RGS12: variants seen among roughly 807,000 people sequenced by gnomAD.
RGS12 encodes regulator of G protein signaling 12.
Under a neutral mutation model 120.1 loss-of-function variants are expected in RGS12, and 66 were observed. That is an observed-to-expected ratio of 0.55 (90% CI 0.45 to 0.67). RGS12 has a LOEUF of 0.67. Among genes scored for constraint, RGS12 ranks in the 30% least tolerant of loss-of-function variants. The pLI, the probability that RGS12 is intolerant of heterozygous loss-of-function variation, is 0.00. For missense variants in RGS12, 1,859 were observed against 1,957.7 expected (o/e 0.95, Z 0.95); for synonymous variants, 827 against 804.7 (o/e 1.03, Z -0.47).
At chr4:3,323,387 C>G (rs551025959) in intron 2 of RGS12, among the ~76,000 whole-genome samples, 24 of 152,212 alleles carry the variant, frequency 1.6e-4, no homozygotes, top group Admixed American at 1.6e-3. Flanking sequence ...GCCTCTGCCC[C>G]GCTCCGCGCG....
chr4:3,379,881 G>A (rs1469607593), intron 3 of RGS12, among the ~76,000 whole-genome samples: 4 of 152,104 alleles, frequency 2.6e-5, no homozygotes, highest in African/African-American at 4.8e-5. Context: ...AAACTGCATC[G>A]TTCCACCCCT....
In RGS12 at chr4:3,430,532, C is replaced by CTCCCCACTCCAGCTGCTG; in HGVS notation, c.3693_3710dup (p.Pro1232_Val1237dup). On this transcript the variant is annotated inframe_insertion, in exon 17 of 18. Transcript: ENST00000336727. ...ACCTCCTGGTTCCACAGAACTCACC[C>CTCCCCACTCCAGCTGCTG]TCCCCACTCCAGCTGCTGTGGCCAA... 1 of 1,613,490 alleles carries CTCCCCACTCCAGCTGCTG rather than the reference C, an allele frequency of 6.2e-7. No individual in the cohort carries two copies.
chr4:3,416,374 G>T (rs938235280), intron 7 of RGS12, among the ~76,000 whole-genome samples: 1 of 152,202 alleles, frequency 6.6e-6, no homozygotes, highest in Admixed American at 6.5e-5. Context: ...GGCTGTTCAC[G>T]CTGGCTCATG....
intron 5 of RGS12, 75 bp downstream of exon 5, chr4:3,414,316 GC>G: frequency 6.9e-7 from 1 of 1,441,422 alleles, no homozygotes; most frequent in Non-Finnish European, 9.2e-7. Context: ...TCTGTGGGCC[GC>G]CCTAGAGACA....
intron 4 of RGS12, among the ~76,000 whole-genome samples, chr4:3,401,765 C>T (rs1560148897): frequency 6.6e-6 from 1 of 152,268 alleles, no homozygotes; most frequent in African/African-American, 2.4e-5. Context: ...ATCCCGTCAG[C>T]ACCTGTGAAT....
chr4:3,312,597 C>A, intron 1 of RGS12: 1 of 231,700 alleles, frequency 4.3e-6, no homozygotes, highest in Non-Finnish European at 9.7e-6. Flanking sequence ...GTGCTTGAGC[C>A]CAGTGATGAG....
intron 2 of RGS12, among the ~76,000 whole-genome samples, chr4:3,325,692 AG>A (rs755005673): frequency 3.2e-4 from 49 of 152,196 alleles, no homozygotes; most frequent in Non-Finnish European, 5.3e-4. Context: ...TCATTTTATG[AG>A]GCCAGTATCA....
intron 3 of RGS12, among the ~76,000 whole-genome samples, chr4:3,346,219 A>AGTT (rs1250586094): frequency 1.3e-5 from 2 of 152,188 alleles, no homozygotes; most frequent in Non-Finnish European, 2.9e-5. Context: ...AGTGAGCACC[A>AGTT]GTTGTATTAG....
At chr4:3,397,987 G>A (rs1256304321) in intron 4 of RGS12, among the ~76,000 whole-genome samples, 2 of 152,142 alleles carry the variant, frequency 1.3e-5, no homozygotes, top group Admixed American at 6.5e-5. Flanking sequence ...TCCTAGCTGT[G>A]GGTCTCATTT....
Position 3,417,426 on chromosome 4 carries a change from A to G in RGS12, c.2646A>G (p.Glu882=), listed in dbSNP as rs200046534. 13 of 1,581,824 alleles carry G rather than the reference A, an allele frequency of 8.2e-6. No homozygotes were observed. The highest frequency in any genetic ancestry group is 1.0e-5 in the Non-Finnish European group (12 of 1,161,488). The change falls in exon 9 of 18, where the codon GAA becomes GAG. Residue 882 remains glutamate (E), a synonymous_variant. Coordinates refer to ENST00000336727, the MANE Select transcript of RGS12 (RefSeq NM_001394154.1). The part of the protein sequence containing the change: ...GKSKSGRSLN[E]ELGDEDSEKK... ...CAAAATCCGGCCGATCCCTGAATGA[A>G]GAGCTGGGGGATGAGGACAGCGAGA... is the stretch of plus-strand genomic sequence containing the variant.
At chr4:3,288,060 G>A (rs536967954), upstream of RGS12, among the ~76,000 whole-genome samples, 5 of 152,254 alleles carry the variant, frequency 3.3e-5, no homozygotes, top group Admixed American at 6.5e-5. The surrounding 1 kb of genome is among the most constrained non-coding windows in gnomAD (Gnocchi z 5.2). Context: ...GAGAGACACC[G>A]TGGGCCCGTA....
chr4:3,301,934 G>A (rs1340696511), intron 1 of RGS12, among the ~76,000 whole-genome samples: 8 of 151,968 alleles, frequency 5.3e-5, no homozygotes, highest in South Asian at 2.1e-4. Flanking sequence ...CATTTGGGGC[G>A]CACTCATACT....
intron 1 of RGS12, among the ~76,000 whole-genome samples, chr4:3,312,142 C>G (rs1007337955): frequency 2.6e-5 from 4 of 152,070 alleles, no homozygotes; most frequent in Non-Finnish European, 5.9e-5. Context: ...TACTGGTAGC[C>G]CCGATGGTGT....
intron 2 of RGS12, among the ~76,000 whole-genome samples, chr4:3,334,589 C>T (rs1203825298): frequency 1.3e-5 from 2 of 151,966 alleles, no homozygotes; most frequent in Admixed American, 6.6e-5. Flanking sequence ...CTTTTCCCTC[C>T]CTTTCTTCTC....
Position 3,416,801 on chromosome 4 carries a change from G to A in RGS12, c.2428-112G>A, listed in dbSNP as rs963697739. 4 of 946,828 alleles carry A rather than the reference G, an allele frequency of 4.2e-6. No individual in the cohort carries two copies. In the African/African-American group the frequency reaches 6.6e-5, roughly 16 times the overall value. 58.7% of individuals were successfully genotyped at this position (946,828 alleles called of 1,614,324 possible). ...GCGGGGGAAAATGGACTGAAACGAT[G>A]TCCTTTCAGGACAGGGCCAGTGGTT... On this transcript the variant is annotated intron_variant, in intron 7 of 17. Coordinates refer to ENST00000336727, the MANE Select transcript of RGS12 (RefSeq NM_001394154.1).
intron 3 of RGS12, among the ~76,000 whole-genome samples, chr4:3,348,183 T>C (rs1399710374): frequency 6.6e-6 from 1 of 152,168 alleles, no homozygotes. Context: ...AAACGCCTGA[T>C]CAAAACAGGA....
chr4:3,407,797 G>A (rs1055787419), intron 4 of RGS12, among the ~76,000 whole-genome samples: 9 of 152,224 alleles, frequency 5.9e-5, no homozygotes, highest in Non-Finnish European at 1.2e-4. Context: ...GGCCCGGGCC[G>A]TGTGTTACAG....
rs1426522073 is a variant in RGS12 at position 3,430,752 on chromosome 4, C to A, written c.3911C>A (p.Ser1304Tyr). 3.7e-6 allele frequency: 6 copies of A among 1,607,784 alleles called. No homozygotes were observed. The African/African-American group carries it at 5.3e-5, about 14-fold the overall frequency. Residue 1304 changes from serine to tyrosine, a missense_variant, in exon 17 of 18, where the codon TCC becomes TAC. Around this residue, in one of 3 missense-constraint regions of RGS12, gnomAD observed 517 missense variants for 488.5 expected, o/e 1.06. Coordinates refer to ENST00000336727, the MANE Select transcript of RGS12 (RefSeq NM_001394154.1). ...SPSGPFCTPQ[S>Y]PVSLAQEGTA... ...AGCGGGCCCTTCTGCACTCCCCAGT[C>A]CCCCGTCTCCCTCGCGCAGGAGGGC...
the RGS12 span, among the ~76,000 whole-genome samples, chr4:3,286,883 G>A: frequency 1.2e-4 from 18 of 152,326 alleles, no homozygotes; most frequent in South Asian, 3.1e-3. Flanking sequence ...CAGTGCCTGC[G>A]GGAGCCGACG....
Sources: gnomAD v4.1 joint callset for allele counts (sites outside exome capture counted in the v4.1 genomes callset) on GRCh38, gnomAD v4.1.1 for gene constraint, gnomAD v4.1.1 regional missense constraint, Gnocchi (gnomAD v3.1) non-coding constraint, MANE v1.5 for transcripts, NCBI Gene and HGNC (gene_info 2026-07-23, HGNC 2026-07-21) for gene names.